TCF3: variants seen among roughly 807,000 people sequenced by gnomAD.
TCF3 encodes the protein transcription factor E2-alpha.
Under a neutral mutation model 72.3 loss-of-function variants are expected in TCF3, and 54 were observed. The observed-to-expected ratio is 0.75, with a 90% CI of 0.60 to 0.94. The LOEUF (loss-of-function observed/expected upper bound fraction) is 0.94. Ranked by LOEUF, TCF3 falls within the 40% of genes least tolerant of loss-of-function variation. The probability of loss-of-function intolerance (pLI) is 0.00; values close to 1 mark genes in which losing one functional copy is unlikely to be tolerated. For missense variants in TCF3, 1,078 were observed against 934.4 expected (o/e 1.15, Z -2.00); for synonymous variants, 525 against 412.6 (o/e 1.27, Z -3.30).
At chr19:1,652,119 C>A (rs1188409893) in intron 1 of TCF3, among the ~76,000 whole-genome samples, 181 bp downstream of exon 1, 1 of 150,318 alleles carries the variant, frequency 6.7e-6, no homozygotes. Flanking sequence ...GTCGCCGCCC[C>A]CCCGGCGCCG....
intron 5 of TCF3, among the ~76,000 whole-genome samples, chr19:1,631,269 CA>C (rs2063679859): frequency 6.8e-6 from 1 of 148,106 alleles, no homozygotes; most frequent in Non-Finnish European, 1.5e-5. Context: ...CCTGAGTCTT[CA>C]TTCTTTTTTT....
chr19:1,613,014 C>G (rs1251659174), intron 18 of TCF3, among the ~76,000 whole-genome samples: 1 of 150,308 alleles, frequency 6.7e-6, no homozygotes, highest in East Asian at 2.0e-4. Flanking sequence ...TGCAGTTACA[C>G]AGCTGGTGTC....
chr19:1,627,272 G>A (rs2063000390), intron 6 of TCF3, 87 bp downstream of exon 6: 2 of 986,618 alleles, frequency 2.0e-6, no homozygotes, highest in South Asian at 1.5e-5. Flanking sequence ...ACCTAGCTAA[G>A]CCAGGAGAGC....
rs761057553 is a variant in TCF3 at position 1,619,894 on chromosome 19, G to C, written c.1094-41C>G. ...GACGTGAATGGGGTGCGAGGGGCGGGGTGTGAGCATGGCCTGATGCCCATG... is the reference window on the plus strand; with the variant it reads ...GACGTGAATGGGGTGCGAGGGGCGGCGTGTGAGCATGGCCTGATGCCCATG... On this transcript the variant is annotated intron_variant, in intron 13 of 18. Coordinates refer to ENST00000262965, the MANE Select transcript of TCF3 (RefSeq NM_003200.5). The C allele has an allele frequency of 8.0e-6, 12 of 1,509,044 alleles. No homozygotes were observed. The East Asian group carries it at 2.7e-4, about 34-fold the overall frequency. 93.5% of individuals were successfully genotyped at this position (1,509,044 alleles called of 1,614,324 possible). A position where few individuals can be genotyped will look rare whatever the true frequency, so the allele number is the denominator to read the frequency against.
intron 3 of TCF3, among the ~76,000 whole-genome samples, chr19:1,640,309 G>C (rs1346821065): frequency 6.6e-6 from 1 of 152,154 alleles, no homozygotes; most frequent in Non-Finnish European, 1.5e-5. Context: ...GCCGAGGCGG[G>C]AGGATCACCA....
chr19:1,629,429 G>A (rs1323498866), intron 5 of TCF3, among the ~76,000 whole-genome samples: 2 of 152,196 alleles, frequency 1.3e-5, no homozygotes, highest in Admixed American at 1.3e-4. Context: ...GGGGCGCTCA[G>A]TGACAAAGGA....
At chr19:1,650,343 TTG>T (rs1377336297) in intron 1 of TCF3, 56 bp from the exon 2 acceptor site, 19 of 1,306,656 alleles carry the variant, frequency 1.5e-5, no homozygotes, top group Non-Finnish European at 1.8e-5. Context: ...GGGAGAAGAG[TTG>T]TGAGTGGTCA....
intron 3 of TCF3, among the ~76,000 whole-genome samples, chr19:1,641,377 G>T (rs1023668818): frequency 1.3e-5 from 2 of 152,274 alleles, no homozygotes; most frequent in East Asian, 3.9e-4. Flanking sequence ...AGCACTCTGG[G>T]AGGCTGAGGT....
At chr19:1,612,751 T>G (rs2061153512) in intron 18 of TCF3, among the ~76,000 whole-genome samples, 4 of 130,248 alleles carry the variant, frequency 3.1e-5, no homozygotes, top group Non-Finnish European at 3.2e-5. Flanking sequence ...GTACACGGCT[T>G]ACGTTGGTGG....
chr19:1,633,570 T>A (rs929749101), intron 3 of TCF3, among the ~76,000 whole-genome samples: 1 of 152,220 alleles, frequency 6.6e-6, no homozygotes, highest in Non-Finnish European at 1.5e-5. Context: ...TGGTGTTTAA[T>A]TGCTGTCTGA....
intron 5 of TCF3, among the ~76,000 whole-genome samples, chr19:1,629,967 G>A (rs533795083): frequency 4.7e-4 from 71 of 152,152 alleles, no homozygotes; most frequent in African/African-American, 1.6e-3. Context: ...CCGGCTCCTC[G>A]GGTGAGAAAA....
chr19:1,631,697 C>A (rs1001383992), intron 5 of TCF3, among the ~76,000 whole-genome samples: 18 of 152,218 alleles, frequency 1.2e-4, no homozygotes, highest in Non-Finnish European at 5.9e-5. Context: ...AGAACTCCTA[C>A]GCCTCCTTCC....
Position 1,612,375 on chromosome 19 carries a change from T to C in TCF3, c.1823-526A>G, listed in dbSNP as rs760689152. 3.7e-6 allele frequency: 6 copies of C among 1,605,934 alleles called. No individual in the cohort carries two copies. The East Asian group carries it at 9.0e-5, about 24-fold the overall frequency. On this transcript the variant is annotated intron_variant, in intron 18 of 18. Transcript: ENST00000262965. ...ACCCGCTCCCGCGCGTTATTGGCCA[T>C]GCGCCTCTCCCGGTCCCTCAGGTCT...
chr19:1,645,487 CCGGCCGGTCCCACCGCAGGGCGTCCGTA>C lies in TCF3; in HGVS notation c.145+840_145+867del, dbSNP rs72230722. On this transcript the variant is annotated intron_variant, in intron 3 of 18. Coordinates refer to ENST00000262965, the MANE Select transcript of TCF3 (RefSeq NM_003200.5). ...AACACAGCGCCCCTAGCCCGCCCCG[CCGGCCGGTCCCACCGCAGGGCGTCCGTA>C]CGGGCTGCTCTCTCTGCCTGGCAAA... is the stretch of plus-strand genomic sequence containing the variant. Among the ~76,000 whole-genome samples the C allele has an allele frequency of 3.7e-3, 562 of 152,332 alleles. 3 individuals are homozygous for C. The highest frequency in any genetic ancestry group is 0.013 in the African/African-American group (527 of 41,574).
intron 3 of TCF3, among the ~76,000 whole-genome samples, chr19:1,642,768 G>A (rs754476607): frequency 8.6e-5 from 13 of 152,042 alleles, no homozygotes; most frequent in East Asian, 1.9e-4. Context: ...CACCGCGCCC[G>A]GTCACAAGGG....
At chr19:1,639,501 AAC>A (rs2064933235) in intron 3 of TCF3, among the ~76,000 whole-genome samples, 1 of 152,192 alleles carries the variant, frequency 6.6e-6, no homozygotes, top group Non-Finnish European at 1.5e-5. Context: ...CCTGACATTA[AAC>A]AGATTAAAAA....
chr19:1,631,721 C>T (rs890376780), intron 5 of TCF3, among the ~76,000 whole-genome samples: 1 of 152,224 alleles, frequency 6.6e-6, no homozygotes, highest in African/African-American at 2.4e-5. Context: ...CGGGCACAGG[C>T]CAGCCCGGCT....
chr19:1,647,828 C>T (rs571915195), intron 2 of TCF3, among the ~76,000 whole-genome samples: 1 of 152,350 alleles, frequency 6.6e-6, no homozygotes, highest in Non-Finnish European at 1.5e-5. Flanking sequence ...CCAGAACAGC[C>T]CCCGCACCCC....
chr19:1,617,961 G>A (rs552752946), intron 16 of TCF3, among the ~76,000 whole-genome samples: 2 of 152,172 alleles, frequency 1.3e-5, no homozygotes, highest in Admixed American at 1.3e-4. Flanking sequence ...AGGAGTGATA[G>A]AATCAAGGTA....
Sources: gnomAD v4.1 joint callset for allele counts (sites outside exome capture counted in the v4.1 genomes callset) on GRCh38, gnomAD v4.1.1 for gene constraint, MANE v1.5 for transcripts, NCBI Gene and HGNC (gene_info 2026-07-23, HGNC 2026-07-21) for gene names.